The following AUH variants were observed in gnomAD, a reference collection of about 807,000 sequenced individuals.
The protein encoded by AUH is AU RNA binding methylglutaconyl-CoA hydratase.
A neutral mutation model predicts 42.3 loss-of-function variants in AUH; 29 were observed. That is an observed-to-expected ratio of 0.69 (90% CI 0.51 to 0.93). The LOEUF is 0.93. Ranked by LOEUF, AUH falls within the 40% of genes least tolerant of loss-of-function variation. The pLI, the probability that AUH is intolerant of heterozygous loss-of-function variation, is 0.00. For missense variants in AUH, 452 were observed against 438.1 expected (o/e 1.03, Z -0.28); for synonymous variants, 174 against 166.4 (o/e 1.05, Z -0.35).
chr9:91,245,721 A>G (rs181921914), intron 6 of AUH, among the ~76,000 whole-genome samples: 10 of 152,284 alleles, frequency 6.6e-5, no homozygotes, highest in Admixed American at 5.2e-4. Flanking sequence ...CCCAGGATGT[A>G]GGGACTATCA....
chr9:91,286,753 T>G (rs1414493206), intron 6 of AUH, among the ~76,000 whole-genome samples: 3 of 151,474 alleles, frequency 2.0e-5, no homozygotes, highest in Admixed American at 6.6e-5. Flanking sequence ...TCTATCTACC[T>G]ATCTACCTAC....
intron 6 of AUH, among the ~76,000 whole-genome samples, chr9:91,272,422 A>C (rs949240136): frequency 1.3e-5 from 2 of 152,174 alleles, no homozygotes; most frequent in African/African-American, 4.8e-5. Context: ...GCCAATCAGC[A>C]CATCTTAGGA....
chr9:91,340,341 T>C (rs957887571), intron 3 of AUH, among the ~76,000 whole-genome samples: 4 of 152,164 alleles, frequency 2.6e-5, no homozygotes, highest in African/African-American at 4.8e-5. Context: ...TACCAAATGT[T>C]TACAGTCACA....
chr9:91,321,656 C>T (rs1158967494), intron 4 of AUH, among the ~76,000 whole-genome samples: 1 of 152,034 alleles, frequency 6.6e-6, no homozygotes, highest in Non-Finnish European at 1.5e-5. Flanking sequence ...AAATGACATT[C>T]AAAGAAAAAT....
chr9:91,356,145 C>T lies in AUH; in HGVS notation c.273G>A (p.Val91=), dbSNP rs368517977. 6.2e-6 allele frequency: 10 copies of T among 1,613,332 alleles called. No individual in the cohort carries two copies. Among genetic ancestry groups the T allele is most frequent in the Non-Finnish European group, 8.5e-6 (10 of 1,179,546 alleles). The change falls in exon 2 of 10, where the codon GTG becomes GTA. Residue 91 remains valine (V), a synonymous_variant. Transcript: ENST00000375731. ...HLEEENRGIV[V]LGINRAYGKN... ...TGCCATAAGCTCTGTTTATTCCAAGCACCACAATTCCTAGTTAAAGGGGAA... is the reference window on the plus strand; with the variant it reads ...TGCCATAAGCTCTGTTTATTCCAAGTACCACAATTCCTAGTTAAAGGGGAA...
chr9:91,277,771 T>A (rs1459923704), intron 6 of AUH, among the ~76,000 whole-genome samples: 1 of 152,182 alleles, frequency 6.6e-6, no homozygotes, highest in Non-Finnish European at 1.5e-5. Flanking sequence ...ATTTTGAAAT[T>A]CCTCAAAATT....
At chr9:91,260,150 C>T (rs1829633700) in intron 6 of AUH, among the ~76,000 whole-genome samples, 1 of 152,026 alleles carries the variant, frequency 6.6e-6, no homozygotes, top group South Asian at 2.1e-4. Context: ...AACATAGCTG[C>T]TCCAGCTTTC....
rs1399691278 is a variant in AUH, at chr9:91,361,739, C to T, written c.151G>A (p.Ala51Thr). 6.5e-7 allele frequency: 1 copy of T among 1,546,804 alleles called. No individual in the cohort carries two copies. The highest frequency in any genetic ancestry group is 8.7e-7 in the Non-Finnish European group (1 of 1,145,890). The change falls in exon 1 of 10, where the codon GCC becomes ACC. Residue 51 changes from alanine to threonine, a missense_variant. By Grantham distance (58) the Ala-to-Thr change is moderately conservative. Coordinates refer to ENST00000375731, the MANE Select transcript of AUH (RefSeq NM_001698.3). ...AGRRAGPAIW[A>T]QGWVPAAGGP... ...CCGGCCGCAGGTACCCAGCCCTGGG[C>T]CCAGATCGCCGGGCCCGCTCGCCGG...
intron 6 of AUH, among the ~76,000 whole-genome samples, chr9:91,229,878 T>C (rs1048899980): frequency 8.6e-5 from 13 of 152,030 alleles, no homozygotes; most frequent in Non-Finnish European, 1.8e-4. Context: ...ATGTTGAATA[T>C]TGGCCCCCAC....
chr9:91,270,392 T>C (rs1825018861), intron 6 of AUH, among the ~76,000 whole-genome samples: 1 of 152,174 alleles, frequency 6.6e-6, no homozygotes, highest in Admixed American at 6.5e-5. Flanking sequence ...TTCGCTTCCC[T>C]AGTGGGAACA....
Position 91,355,970 on chromosome 9 carries a change from G to C in AUH, c.331C>G (p.Leu111Val), listed in dbSNP as rs779443973. The C allele has an allele frequency of 6.2e-7, 1 of 1,611,956 alleles. No homozygotes were observed. Residue 111 changes from leucine (L) to valine (V), a missense_variant and splice_region_variant, in exon 3 of 10, where the codon CTA becomes GTA. Leu to Val is a conservative substitution (Grantham distance 32). Coordinates refer to ENST00000375731, the MANE Select transcript of AUH (RefSeq NM_001698.3). Reference protein sequence around the residue: ...NSLSKNLIKMLSKAVDALKSD... With the variant: ...NSLSKNLIKMVSKAVDALKSD... ...TTCAAAGCATCCACAGCTTTTGATA[G>C]CTAAACAGAAATAGGAAGCATAGGA... is the stretch of plus-strand genomic sequence containing the variant.
At chr9:91,358,728 C>T (rs1243161036) in intron 1 of AUH, among the ~76,000 whole-genome samples, 1 of 152,172 alleles carries the variant, frequency 6.6e-6, no homozygotes, top group Non-Finnish European at 1.5e-5. Context: ...CAAAATGTTT[C>T]TAACACAGTT....
Position 91,285,993 on chromosome 9 carries a change from C to T in AUH, c.655+10028G>A, listed in dbSNP as rs375632083. On this transcript the variant is annotated intron_variant, in intron 6 of 9. Coordinates refer to ENST00000375731, the MANE Select transcript of AUH (RefSeq NM_001698.3). Reference sequence around the variant, plus strand: ...TGTAAGCCTCTTTTTTAAAAAAAATCGTTTTGTTATGCTTTTTTTTCTTCC... The same window carrying T: ...TGTAAGCCTCTTTTTTAAAAAAAATTGTTTTGTTATGCTTTTTTTTCTTCC... Among the ~76,000 whole-genome samples the T allele has an allele frequency of 2.6e-5, 4 of 152,054 alleles. No individual in the cohort carries two copies. In the East Asian group the frequency reaches 7.7e-4, roughly 29 times the overall value.
chr9:91,296,206 A>T, intron 5 of AUH, 129 bp from the exon 6 acceptor site: 1 of 886,366 alleles, frequency 1.1e-6, no homozygotes, highest in Non-Finnish European at 1.7e-6. Flanking sequence ...TCTTAAAAAA[A>T]ATCACTTAAA....
intron 3 of AUH, among the ~76,000 whole-genome samples, chr9:91,326,742 T>C (rs963771333): frequency 3.3e-5 from 5 of 152,170 alleles, no homozygotes; most frequent in African/African-American, 9.7e-5. Flanking sequence ...AATATTGTAT[T>C]GCTTAGGTTG....
intron 3 of AUH, among the ~76,000 whole-genome samples, chr9:91,336,115 A>G (rs1342988202): frequency 6.6e-6 from 1 of 152,232 alleles, no homozygotes. Flanking sequence ...AAAGAAAAAT[A>G]ATAGTGAAAA....
chr9:91,318,788 A>G (rs1430017968), intron 4 of AUH, among the ~76,000 whole-genome samples: 2 of 152,236 alleles, frequency 1.3e-5, no homozygotes, highest in African/African-American at 4.8e-5. Flanking sequence ...CCTCTCCTGC[A>G]TTCCAAATCC....
chr9:91,330,913 G>A (rs967644508), intron 3 of AUH, among the ~76,000 whole-genome samples: 1 of 152,200 alleles, frequency 6.6e-6, no homozygotes, highest in African/African-American at 2.4e-5. Context: ...GTAATGATAA[G>A]GAAGGGACAT....
chr9:91,248,838 C>T (rs887542795), intron 6 of AUH, among the ~76,000 whole-genome samples: 1 of 152,106 alleles, frequency 6.6e-6, no homozygotes, highest in Non-Finnish European at 1.5e-5. Flanking sequence ...GTTGCAGTTT[C>T]CAAGAACCAA....
Sources: gnomAD v4.1 joint callset for allele counts (sites outside exome capture counted in the v4.1 genomes callset) on GRCh38, gnomAD v4.1.1 for gene constraint, MANE v1.5 for transcripts, NCBI Gene and HGNC (gene_info 2026-07-23, HGNC 2026-07-21) for gene names.